SAMD12: variants seen among roughly 807,000 people sequenced by gnomAD.
SAMD12 encodes sterile alpha motif domain-containing protein 12.
In SAMD12, 9 loss-of-function variants were observed where a neutral mutation model predicts 15.0. The observed-to-expected ratio is 0.60, with a 90% CI of 0.36 to 1.05. The LOEUF (loss-of-function observed/expected upper bound fraction) is 1.05. Among genes scored for constraint, SAMD12 ranks in the 50% least tolerant of loss-of-function variants. The pLI, the probability that SAMD12 is intolerant of heterozygous loss-of-function variation, is 0.01. For synonymous variants in SAMD12, 86 were observed against 90.1 expected (o/e 0.96, Z 0.25); for missense variants, 230 against 234.2 (o/e 0.98, Z 0.12).
At chr8:118,316,469 G>A (rs1395405310) in intron 4 of SAMD12, among the ~76,000 whole-genome samples, 2 of 152,052 alleles carry the variant, frequency 1.3e-5, no homozygotes, top group Non-Finnish European at 2.9e-5. Context: ...CCAGGAGTCG[G>A]AGGTCGCAGT....
At chr8:118,306,307 T>C (rs1815345066) in intron 4 of SAMD12, among the ~76,000 whole-genome samples, 1 of 152,200 alleles carries the variant, frequency 6.6e-6, no homozygotes, top group African/African-American at 2.4e-5. Flanking sequence ...GTCCTCAATA[T>C]ATAATCCATC....
intron 4 of SAMD12, among the ~76,000 whole-genome samples, chr8:118,316,350 T>G (rs1815900619): frequency 8.3e-6 from 1 of 120,676 alleles, no homozygotes; most frequent in Non-Finnish European, 1.6e-5. Context: ...CTGGTCAACA[T>G]GGTGAAACCC....
At chr8:118,540,026 T>G (rs1416341825) in intron 2 of SAMD12, among the ~76,000 whole-genome samples, 1 of 152,232 alleles carries the variant, frequency 6.6e-6, no homozygotes, top group Admixed American at 6.5e-5. Flanking sequence ...TAAAATAAGT[T>G]GTCCTTCTTT....
At chr8:118,471,782 G>A (rs1158721641) in intron 2 of SAMD12, among the ~76,000 whole-genome samples, 1 of 152,132 alleles carries the variant, frequency 6.6e-6, no homozygotes, top group East Asian at 1.9e-4. Flanking sequence ...AGTAGTGGTG[G>A]TGACCGTGGT....
intron 4 of SAMD12, among the ~76,000 whole-genome samples, chr8:118,305,503 A>G (rs1361159128): frequency 6.6e-6 from 1 of 152,172 alleles, no homozygotes; most frequent in Non-Finnish European, 1.5e-5. Flanking sequence ...GTATGTATAT[A>G]CCACATATTG....
chr8:118,328,985 G>A (rs536638915), intron 4 of SAMD12, among the ~76,000 whole-genome samples: 2 of 152,248 alleles, frequency 1.3e-5, no homozygotes, highest in Admixed American at 6.5e-5. Context: ...CTCAACAAAG[G>A]CATTTTATAA....
intron 4 of SAMD12, chr8:118,291,437 G>A (rs1814358177): frequency 6.6e-6 from 1 of 152,094 alleles, no homozygotes; most frequent in Non-Finnish European, 1.5e-5. Flanking sequence ...GAAAAAACAG[G>A]AAGTGGAAAA....
intron 4 of SAMD12, among the ~76,000 whole-genome samples, chr8:118,371,987 A>G (rs1423199211): frequency 1.3e-5 from 2 of 152,194 alleles, no homozygotes; most frequent in African/African-American, 4.8e-5. Context: ...AGCTCATGCT[A>G]TCCAATGATA....
chr8:118,229,465 T>C (rs1234142835), intron 4 of SAMD12, among the ~76,000 whole-genome samples: 1 of 152,138 alleles, frequency 6.6e-6, no homozygotes, highest in Non-Finnish European at 1.5e-5. Flanking sequence ...GTCCACAGTA[T>C]ACCTTATTAC....
chr8:118,437,038 T>A (rs970852761), intron 3 of SAMD12, among the ~76,000 whole-genome samples: 3 of 152,288 alleles, frequency 2.0e-5, no homozygotes, highest in Non-Finnish European at 4.4e-5. Flanking sequence ...GTCATTCTAC[T>A]GTCTGCACAC....
chr8:118,208,500 G>A (rs902042821), intron 4 of SAMD12, among the ~76,000 whole-genome samples: 2 of 152,142 alleles, frequency 1.3e-5, no homozygotes, highest in African/African-American at 2.4e-5. Context: ...TAGGAAGGAG[G>A]AGGAGTAAGT....
At chr8:118,267,497 C>T (rs1263154535) in intron 4 of SAMD12, among the ~76,000 whole-genome samples, 3 of 152,108 alleles carry the variant, frequency 2.0e-5, no homozygotes, top group African/African-American at 7.2e-5. Context: ...AACATGAAGG[C>T]ATCACCTCAA....
chr8:118,377,830 G>A (rs561283202), downstream of SAMD12, among the ~76,000 whole-genome samples: 1 of 152,234 alleles, frequency 6.6e-6, no homozygotes, highest in South Asian at 2.1e-4. Context: ...GAAAAAGAAT[G>A]AGCTGCAAAA....
the SAMD12 span, among the ~76,000 whole-genome samples, chr8:118,165,010 T>G: frequency 6.6e-6 from 1 of 150,718 alleles, no homozygotes; most frequent in Non-Finnish European, 1.5e-5. Flanking sequence ...TGTGTGTGTT[T>G]TCCATACATT....
At chr8:118,310,977 A>G (rs1255357094) in intron 4 of SAMD12, among the ~76,000 whole-genome samples, 1 of 152,186 alleles carries the variant, frequency 6.6e-6, no homozygotes, top group African/African-American at 2.4e-5. Flanking sequence ...ATGCATGTTT[A>G]TAGGAATAAG....
chr8:118,354,111 C>T (rs1406569065), intron 4 of SAMD12, among the ~76,000 whole-genome samples: 3 of 152,206 alleles, frequency 2.0e-5, no homozygotes, highest in Admixed American at 6.6e-5. Flanking sequence ...TAAGTAATGG[C>T]TTCTTTGAAT....
chr8:118,150,077 A>G, the SAMD12 span, among the ~76,000 whole-genome samples: 5 of 152,228 alleles, frequency 3.3e-5, no homozygotes, highest in Non-Finnish European at 5.9e-5. Context: ...TTATAACAGA[A>G]GAGGTGCTAC....
At chr8:118,304,530 C>T (rs1034786424) in intron 4 of SAMD12, among the ~76,000 whole-genome samples, 1 of 151,908 alleles carries the variant, frequency 6.6e-6, no homozygotes, top group Non-Finnish European at 1.5e-5. Flanking sequence ...GAGGCTGAGC[C>T]GGGTGGATCA....
intron 4 of SAMD12, among the ~76,000 whole-genome samples, chr8:118,349,383 T>G (rs1020997957): frequency 6.6e-6 from 1 of 152,196 alleles, no homozygotes; most frequent in African/African-American, 2.4e-5. Context: ...TATGGAGGGG[T>G]AACCCCTCAG....
Sources: allele counts gnomAD v4.1 joint callset (sites outside exome capture counted in the v4.1 genomes callset), GRCh38; gene constraint gnomAD v4.1.1; transcripts MANE v1.5; gene names NCBI Gene and HGNC (gene_info 2026-07-23, HGNC 2026-07-21).